Variants in WDPCP observed in about 807,000 individuals in gnomAD.
The protein encoded by WDPCP is WD repeat-containing and planar cell polarity effector protein fritz homolog.
WDPCP carries 71 observed loss-of-function variants against 93.1 expected under a neutral mutation model. The observed-to-expected ratio is 0.76, with a 90% confidence interval of 0.63 to 0.93. The LOEUF (loss-of-function observed/expected upper bound fraction) is 0.93. Among genes scored for constraint, WDPCP ranks in the 40% least tolerant of loss-of-function variants. The pLI is 0.00. For synonymous variants in WDPCP, 315 were observed against 315.0 expected, an observed-to-expected ratio of 1.00 and a Z score of 0.00; for missense variants, 844 against 887.4, an observed-to-expected ratio of 0.95 and a Z score of 0.62.
intron 2 of WDPCP, among the ~76,000 whole-genome samples, chr2:63,659,117 A>T (rs1321778119): frequency 1.3e-5 from 2 of 152,246 alleles, no homozygotes; most frequent in Non-Finnish European, 2.9e-5. Context: ...TGGGGTAAAT[A>T]TAGCATACAG....
At chr2:63,238,343 T>C (rs1407553070) in intron 14 of WDPCP, among the ~76,000 whole-genome samples, 1 of 152,190 alleles carries the variant, frequency 6.6e-6, no homozygotes, top group Non-Finnish European at 1.5e-5. Flanking sequence ...ATGTGACTAC[T>C]GAATCTTGAA....
At chr2:63,278,133 G>T (rs1683221842) in intron 13 of WDPCP, among the ~76,000 whole-genome samples, 1 of 152,166 alleles carries the variant, frequency 6.6e-6, no homozygotes, top group African/African-American at 2.4e-5. Flanking sequence ...CAAATACATG[G>T]AAATTAAATA....
At chr2:63,809,043 G>T (rs1274723766) in intron 2 of WDPCP, among the ~76,000 whole-genome samples, 4 of 151,976 alleles carry the variant, frequency 2.6e-5, no homozygotes, top group Non-Finnish European at 4.4e-5. Flanking sequence ...GACCCCGTCT[G>T]GGAGGTGAGG....
In WDPCP at chr2:63,188,178, T is replaced by A. The variant is rs796187460; in HGVS notation, c.1916-13346A>T. On this transcript the variant is annotated intron_variant, in intron 14 of 17. Transcript: ENST00000272321. ...GTCTTGGTATGGGTCTCTTCAGGTT[T>A]ATCATAGTTGGAGTTCATTGAGTTT... Among the ~76,000 whole-genome samples the A allele has an allele frequency of 3.9e-5, 6 of 152,290 alleles. 1 individual carries two copies. The highest frequency in any genetic ancestry group is 1.4e-4 in the African/African-American group (6 of 41,560).
At position 63,180,611 on chromosome 2, in the gene WDPCP, T is replaced by C. The variant is rs184778273; in HGVS notation, c.1916-5779A>G. Among the ~76,000 whole-genome samples, 134 of 152,306 alleles carry C rather than the reference T, an allele frequency of 8.8e-4. 1 individual carries two copies. The highest frequency in any genetic ancestry group is 8.4e-3 in the Admixed American group (128 of 15,298). On this transcript the variant is annotated intron_variant, in intron 14 of 17. Coordinates refer to ENST00000272321, the MANE Select transcript of WDPCP (RefSeq NM_015910.7). ...TGATGTAAACGTAGGTGATTCCATCTCTTTGGTATTGTGAATAGTGCAGTG... is the reference window on the plus strand; with the variant it reads ...TGATGTAAACGTAGGTGATTCCATCCCTTTGGTATTGTGAATAGTGCAGTG...
intron 1 of WDPCP, among the ~76,000 whole-genome samples, chr2:63,536,805 A>G (rs1373920872): frequency 1.3e-5 from 1 of 79,526 alleles, no homozygotes; most frequent in Admixed American, 1.8e-4. Context: ...AATCTCTGTT[A>G]CCCAGGCTGG....
chr2:63,259,294 C>T lies in WDPCP; in HGVS notation c.1915+13G>A, dbSNP rs992214. The T allele has an allele frequency of 0.54, 870,782 of 1,600,990 alleles. 249,488 individuals carry two copies. The highest frequency in any genetic ancestry group is 0.9 in the African/African-American group (67,172 of 74,768). The stretch of plus-strand genomic sequence containing the variant: ...TAAAATAAAAAGCACTTAAAAATAG[C>T]GTTAATTCTTACCAACCCCAGAGGT... On this transcript the variant is annotated intron_variant, in intron 14 of 17. Transcript: ENST00000272321.
chr2:63,408,037 T>C (rs769752581), intron 9 of WDPCP, among the ~76,000 whole-genome samples: 3 of 152,168 alleles, frequency 2.0e-5, no homozygotes, highest in South Asian at 2.1e-4. Flanking sequence ...TGCTCTCTAA[T>C]AGGCTCTGTA....
chr2:63,814,593 T>C (rs967422886), intron 1 of WDPCP, among the ~76,000 whole-genome samples: 3 of 152,348 alleles, frequency 2.0e-5, no homozygotes, highest in Admixed American at 6.5e-5. Flanking sequence ...CTGTTACTTA[T>C]AGTTGAAAAT....
chr2:63,708,366 T>G (rs957742656), intron 2 of WDPCP, among the ~76,000 whole-genome samples: 2 of 152,224 alleles, frequency 1.3e-5, no homozygotes, highest in African/African-American at 4.8e-5. Flanking sequence ...CCTTGCAGTT[T>G]GATCTCAGAC....
At chr2:63,653,406 A>G (rs1285043562) in intron 2 of WDPCP, among the ~76,000 whole-genome samples, 2 of 152,204 alleles carry the variant, frequency 1.3e-5, no homozygotes, top group Non-Finnish European at 2.9e-5. Context: ...TAGACACCCC[A>G]GATAGGTCAA....
intron 13 of WDPCP, among the ~76,000 whole-genome samples, chr2:63,305,804 T>C (rs1685685824): frequency 6.6e-6 from 1 of 151,364 alleles, no homozygotes; most frequent in Admixed American, 6.6e-5. Flanking sequence ...CTAAGAACCT[T>C]GAAAAAAAGT....
Position 63,308,404 on chromosome 2 carries a change from A to C in WDPCP, c.1812+4844T>G, listed in dbSNP as rs572045257. On this transcript the variant is annotated intron_variant, in intron 13 of 17. Transcript: ENST00000272321. ...AATCCCATTACTGGGTATATACCCA[A>C]AGGATTATAAATCATTCTACTATAA... Among the ~76,000 whole-genome samples, 25 of 152,354 alleles carry C rather than the reference A, an allele frequency of 1.6e-4. No individual in the cohort carries two copies. In the South Asian group the frequency reaches 5.0e-3, roughly 30 times the overall value.
upstream of WDPCP, chr2:63,590,652 G>C (rs1709178201): frequency 6.6e-6 from 1 of 152,210 alleles, no homozygotes; most frequent in South Asian, 2.1e-4. Flanking sequence ...GGTGAGGTCA[G>C]ATAATTTTCC....
At chr2:63,296,177 A>C (rs1017247660) in intron 13 of WDPCP, among the ~76,000 whole-genome samples, 1 of 151,416 alleles carries the variant, frequency 6.6e-6, no homozygotes, top group Non-Finnish European at 1.5e-5. Context: ...AACAGAATTA[A>C]AAACAAAAAC....
At chr2:63,345,025 A>G (rs759141616) in intron 12 of WDPCP, among the ~76,000 whole-genome samples, 41 of 152,172 alleles carry the variant, frequency 2.7e-4, no homozygotes, top group Non-Finnish European at 2.2e-4. Context: ...AATTTTCAAA[A>G]AATTGATTCT....
At chr2:63,582,214 A>G (rs927151602) in intron 1 of WDPCP, among the ~76,000 whole-genome samples, 12 of 152,248 alleles carry the variant, frequency 7.9e-5, no homozygotes, top group Middle Eastern at 3.4e-3. Context: ...GACATGAAAG[A>G]TATTTTTTAA....
intron 9 of WDPCP, among the ~76,000 whole-genome samples, chr2:63,405,283 A>C (rs1694477837): frequency 6.6e-6 from 1 of 152,178 alleles, no homozygotes; most frequent in Non-Finnish European, 1.5e-5. Flanking sequence ...TAGACAAGTG[A>C]CCAATAGAAA....
chr2:63,732,107 C>T (rs939906742), intron 2 of WDPCP, among the ~76,000 whole-genome samples: 5 of 152,138 alleles, frequency 3.3e-5, no homozygotes, highest in Admixed American at 6.5e-5. Flanking sequence ...TGTGTAGACA[C>T]TCTTACAATA....
Sources: gnomAD v4.1 joint callset for allele counts (sites outside exome capture counted in the v4.1 genomes callset) on GRCh38, gnomAD v4.1.1 for gene constraint, MANE v1.5 for transcripts, NCBI Gene and HGNC (gene_info 2026-07-23, HGNC 2026-07-21) for gene names.